Variants in FRMD4B observed in about 807,000 individuals in gnomAD.
FRMD4B encodes FERM domain-containing protein 4B.
In FRMD4B, 74 loss-of-function variants were observed where a neutral mutation model predicts 141.5. The observed-to-expected ratio is 0.52, with a 90% CI of 0.43 to 0.63. The LOEUF (loss-of-function observed/expected upper bound fraction) is 0.63. Ranked by LOEUF, FRMD4B falls within the 30% of genes least tolerant of loss-of-function variation. The probability of loss-of-function intolerance (pLI) is 0.00; values close to 1 mark genes in which losing one functional copy is unlikely to be tolerated. For missense variants in FRMD4B, 1,366 were observed against 1,253.4 expected, an observed-to-expected ratio of 1.09 and a Z score of -1.36; for synonymous variants, 506 against 467.9, an observed-to-expected ratio of 1.08 and a Z score of -1.05.
chr3:69,425,158 T>A (rs771544763), intron 2 of FRMD4B, among the ~76,000 whole-genome samples: 2 of 152,218 alleles, frequency 1.3e-5, no homozygotes, highest in African/African-American at 2.4e-5. Context: ...AGTATTTCCA[T>A]GATGCCTTCT....
chr3:69,245,666 T>TTC (rs2093420082), intron 7 of FRMD4B, among the ~76,000 whole-genome samples: 1 of 4,428 alleles, frequency 2.3e-4, no homozygotes, highest in African/African-American at 3.0e-4. Context: ...TTTCTTTTCT[T>TTC]TTTTTTTTTT....
At chr3:69,358,321 C>G (rs1017648812) in intron 1 of FRMD4B, among the ~76,000 whole-genome samples, 1 of 152,206 alleles carries the variant, frequency 6.6e-6, no homozygotes, top group Non-Finnish European at 1.5e-5. Flanking sequence ...GTTCTGCTGT[C>G]TCACAATTCT....
At chr3:69,275,104 T>C (rs963413684) in intron 5 of FRMD4B, among the ~76,000 whole-genome samples, 1 of 152,178 alleles carries the variant, frequency 6.6e-6, no homozygotes. Context: ...GTAACAAAAC[T>C]GATTTCAACC....
At chr3:69,323,652 A>ATG (rs1702091874) in intron 1 of FRMD4B, among the ~76,000 whole-genome samples, 2 of 128,824 alleles carry the variant, frequency 1.6e-5, no homozygotes, top group East Asian at 5.1e-4. Flanking sequence ...ATATATATAT[A>ATG]TGCGTTTTAA....
At chr3:69,355,301 G>C (rs1387315897) in intron 1 of FRMD4B, among the ~76,000 whole-genome samples, 1 of 152,160 alleles carries the variant, frequency 6.6e-6, no homozygotes, top group Non-Finnish European at 1.5e-5. Flanking sequence ...AATATTAGGA[G>C]TAAATTTTCT....
chr3:69,299,717 T>C (rs1575706134), intron 4 of FRMD4B, among the ~76,000 whole-genome samples: 2 of 152,350 alleles, frequency 1.3e-5, no homozygotes, highest in South Asian at 2.1e-4. Context: ...GGCATTAGGA[T>C]ATTTCTAATT....
At chr3:69,256,672 A>T (rs774065377) in intron 5 of FRMD4B, among the ~76,000 whole-genome samples, 9 of 152,120 alleles carry the variant, frequency 5.9e-5, no homozygotes, top group Non-Finnish European at 1.3e-4. Flanking sequence ...CCATGCCAAC[A>T]CTGAAGACCT....
At chr3:69,513,587 A>T (rs1706724229) in intron 1 of FRMD4B, among the ~76,000 whole-genome samples, 1 of 152,316 alleles carries the variant, frequency 6.6e-6, no homozygotes. Context: ...AAAGCCAAAG[A>T]TGCTACAAGA....
chr3:69,280,843 T>C (rs914731828), intron 5 of FRMD4B, among the ~76,000 whole-genome samples: 1 of 152,080 alleles, frequency 6.6e-6, no homozygotes, highest in East Asian at 1.9e-4. Flanking sequence ...GGTTTTGAAC[T>C]CCTGAGTTCA....
rs562000531 is a variant in FRMD4B, at chr3:69,233,290, T to A, written c.582-8600A>T. Among the ~76,000 whole-genome samples, 8 of 152,088 alleles carry A rather than the reference T, an allele frequency of 5.3e-5. No homozygotes were observed. The East Asian group carries it at 1.6e-3, about 30-fold the overall frequency. On this transcript the variant is annotated intron_variant, in intron 7 of 22. Transcript: ENST00000398540. ...TGAGCCCAGGAGTTCGAGACCAGCC[T>A]GGCCAACATGGTGAAACCTTGTCTC...
chr3:69,325,130 G>A (rs78911152), intron 1 of FRMD4B, among the ~76,000 whole-genome samples: 3,503 of 95,002 alleles, frequency 0.037, 72 homozygotes, highest in Non-Finnish European at 0.063. Context: ...AGAAAGAAAA[G>A]AAATTAATTG....
At chr3:69,390,020 G>C (rs73835818), upstream of FRMD4B, among the ~76,000 whole-genome samples, 30 of 151,878 alleles carry the variant, frequency 2.0e-4, no homozygotes, top group Non-Finnish European at 2.8e-4. Context: ...AAGATGCTTC[G>C]GGTGGCAGCA....
chr3:69,271,315 G>T (rs992365937), intron 5 of FRMD4B, among the ~76,000 whole-genome samples: 1 of 152,166 alleles, frequency 6.6e-6, no homozygotes, highest in Non-Finnish European at 1.5e-5. Context: ...ATTTACCCTG[G>T]CTAGTGCCAA....
intron 22 of FRMD4B, among the ~76,000 whole-genome samples, chr3:69,172,732 T>C (rs1200724352): frequency 6.6e-6 from 1 of 152,194 alleles, no homozygotes; most frequent in Non-Finnish European, 1.5e-5. Flanking sequence ...CATATTTAGA[T>C]GGCAATTCCA....
chr3:69,281,145 G>T (rs2093642857), intron 5 of FRMD4B, among the ~76,000 whole-genome samples: 1 of 151,666 alleles, frequency 6.6e-6, no homozygotes, highest in Admixed American at 6.6e-5. Context: ...TGTTGGTCAG[G>T]CTGGTCTCGA....
intron 11 of FRMD4B, among the ~76,000 whole-genome samples, chr3:69,210,413 G>T (rs1052356282): frequency 4.0e-5 from 6 of 149,636 alleles, no homozygotes; most frequent in Non-Finnish European, 7.4e-5. Flanking sequence ...GGAACACAAG[G>T]CTGCTTTTTT....
chr3:69,239,500 A>G (rs1161132441), intron 7 of FRMD4B, among the ~76,000 whole-genome samples: 1 of 152,194 alleles, frequency 6.6e-6, no homozygotes, highest in South Asian at 2.1e-4. Flanking sequence ...GACTCCGATC[A>G]TGTCTACTTT....
At chr3:69,179,908 G>C (rs530780622) in intron 21 of FRMD4B, among the ~76,000 whole-genome samples, 123 of 152,206 alleles carry the variant, frequency 8.1e-4, no homozygotes, top group African/African-American at 2.9e-3. Flanking sequence ...ACCATACACA[G>C]AGCCTCCCCT....
chr3:69,228,320 A>G (rs1375289207), intron 7 of FRMD4B: 2 of 456,664 alleles, frequency 4.4e-6, no homozygotes, highest in East Asian at 6.9e-5. Context: ...CACTCTGAAT[A>G]TTAGACATCT....
Sources: allele counts gnomAD v4.1 joint callset (sites outside exome capture counted in the v4.1 genomes callset), GRCh38; gene constraint gnomAD v4.1.1; transcripts MANE v1.5; gene names NCBI Gene and HGNC (gene_info 2026-07-23, HGNC 2026-07-21).